Variants in CDH18 observed in about 807,000 individuals in gnomAD.
CDH18 encodes the protein cadherin 18.
Under a neutral mutation model 67.9 loss-of-function variants are expected in CDH18, and 31 were observed. The ratio of observed to expected loss-of-function variants is 0.46; its 90% CI spans 0.34 to 0.62. CDH18 has a LOEUF of 0.62. Ranked by LOEUF, CDH18 falls within the 20% of genes least tolerant of loss-of-function variation. The pLI, the probability that CDH18 is intolerant of heterozygous loss-of-function variation, is 0.01. For missense variants in CDH18, 890 were observed against 975.5 expected, an observed-to-expected ratio of 0.91 and a Z score of 1.17; for synonymous variants, 362 against 347.2, an observed-to-expected ratio of 1.04 and a Z score of -0.48.
intron 3 of CDH18, among the ~76,000 whole-genome samples, chr5:19,834,950 GA>G (rs1431187945): frequency 6.6e-6 from 1 of 152,090 alleles, no homozygotes; most frequent in Non-Finnish European, 1.5e-5. Context: ...AACCATTGTG[GA>G]AAACAGTGTG....
intron 1 of CDH18, among the ~76,000 whole-genome samples, chr5:20,340,104 C>T (rs1390647650): frequency 2.0e-5 from 3 of 152,178 alleles, no homozygotes; most frequent in African/African-American, 7.2e-5. Flanking sequence ...TTACTCCAAA[C>T]TATCTATGAT....
intron 1 of CDH18, among the ~76,000 whole-genome samples, chr5:20,405,137 T>G (rs1364258337): frequency 6.6e-6 from 1 of 152,178 alleles, no homozygotes; most frequent in South Asian, 2.1e-4. Flanking sequence ...AAGTCAATCC[T>G]AAGCCAAAAG....
intron 1 of CDH18, among the ~76,000 whole-genome samples, chr5:20,291,004 G>C (rs1475665234): frequency 6.6e-6 from 1 of 152,044 alleles, no homozygotes; most frequent in Non-Finnish European, 1.5e-5. Flanking sequence ...TATTGAAATG[G>C]ACAAGGGAAA....
chr5:19,536,052 T>A (rs7719020), intron 9 of CDH18, among the ~76,000 whole-genome samples: 76,864 of 151,874 alleles, frequency 0.51, 20,549 homozygotes, highest in African/African-American at 0.69. Flanking sequence ...TAGGAGCAAA[T>A]TATATTTATG....
chr5:19,557,266 G>T (rs571982804), intron 8 of CDH18, among the ~76,000 whole-genome samples: 4 of 152,090 alleles, frequency 2.6e-5, no homozygotes, highest in Non-Finnish European at 5.9e-5. Flanking sequence ...ATAGTATAAT[G>T]AATATAATAG....
rs141489428 is a variant in CDH18 at position 20,353,277 on chromosome 5, T to A, written c.-579-97772A>T. 6.9e-3 allele frequency among the ~76,000 whole-genome samples: 1,053 copies of A among 152,266 alleles called. 8 individuals carry two copies. The highest frequency in any genetic ancestry group is 9.4e-3 in the Non-Finnish European group (639 of 68,022). ...GCCCAAGTGTGTGTGTGTTCAATAT[T>A]CCAGTTTGCATACATGCGCTTGCCA... is the stretch of plus-strand genomic sequence containing the variant. On this transcript the variant is annotated intron_variant, in intron 1 of 14. Transcript: ENST00000507958.
chr5:19,546,292 A>G (rs532103805), intron 8 of CDH18, among the ~76,000 whole-genome samples: 61 of 152,346 alleles, frequency 4.0e-4, no homozygotes, highest in East Asian at 1.5e-3. Flanking sequence ...GATATCTTTT[A>G]ATGAATGAAC....
chr5:20,390,180 C>T (rs534848878), intron 1 of CDH18, among the ~76,000 whole-genome samples: 1 of 152,056 alleles, frequency 6.6e-6, no homozygotes, highest in East Asian at 1.9e-4. Context: ...GCAAAAGAAA[C>T]TACTATCAGA....
chr5:19,983,920 A>T (rs13354929), intron 1 of CDH18, among the ~76,000 whole-genome samples: 1 of 152,214 alleles, frequency 6.6e-6, no homozygotes, highest in African/African-American at 2.4e-5. Flanking sequence ...ATCAAAATGC[A>T]TAATACTAAA....
At chr5:20,574,303 G>A (rs1030479) in intron 1 of CDH18, among the ~76,000 whole-genome samples, 108,626 of 151,734 alleles carry the variant, frequency 0.72, 39,791 homozygotes, top group African/African-American at 0.85. Flanking sequence ...ATTCAGACAT[G>A]TGGGCTACTA....
intron 9 of CDH18, among the ~76,000 whole-genome samples, chr5:19,537,582 C>T (rs1036411956): frequency 1.3e-5 from 2 of 152,060 alleles, no homozygotes; most frequent in African/African-American, 2.4e-5. Context: ...CTTTACTCAT[C>T]CCTCACCTCA....
At chr5:20,211,205 A>G (rs1354300241) in intron 2 of CDH18, among the ~76,000 whole-genome samples, 3 of 152,102 alleles carry the variant, frequency 2.0e-5, no homozygotes, top group South Asian at 4.1e-4. Context: ...GTAATGGGAG[A>G]GGGGCGTCTG....
chr5:20,153,869 T>C (rs1751321833), intron 2 of CDH18, among the ~76,000 whole-genome samples: 1 of 152,202 alleles, frequency 6.6e-6, no homozygotes, highest in South Asian at 2.1e-4. Flanking sequence ...CCGAATACTT[T>C]GGGGGTTGGA....
At chr5:19,708,463 C>A (rs1011477832) in intron 5 of CDH18, among the ~76,000 whole-genome samples, 1 of 152,034 alleles carries the variant, frequency 6.6e-6, no homozygotes, top group Non-Finnish European at 1.5e-5. Context: ...AAGGGGGGGA[C>A]ATGTTGGGAA....
intron 2 of CDH18, among the ~76,000 whole-genome samples, chr5:20,144,963 G>A (rs764271524): frequency 1.3e-5 from 2 of 152,066 alleles, no homozygotes; most frequent in Non-Finnish European, 2.9e-5. Context: ...AAAACCTCCA[G>A]AAACCAGGGG....
In CDH18 at chr5:20,456,716, A is replaced by G. The variant is rs541280788; in HGVS notation, c.-580+118746T>C. 1.2e-3 allele frequency among the ~76,000 whole-genome samples: 177 copies of G among 152,286 alleles called. 1 individual carries two copies. Among genetic ancestry groups the G allele is most frequent in the Admixed American group, 2.0e-3 (30 of 15,288 alleles). ...TGGACTAATTTTAAACACATGCAAA[A>G]TGGCATAAATGCCATATTTTTTTTA... On this transcript the variant is annotated intron_variant, in intron 1 of 14. Transcript: ENST00000507958.
At chr5:19,696,026 C>G (rs1015350683) in intron 5 of CDH18, among the ~76,000 whole-genome samples, 1 of 151,944 alleles carries the variant, frequency 6.6e-6, no homozygotes, top group African/African-American at 2.4e-5. Flanking sequence ...AAAAAATTCT[C>G]CAGGTAATTT....
chr5:20,227,655 A>T (rs976329720), intron 2 of CDH18, among the ~76,000 whole-genome samples: 1 of 151,804 alleles, frequency 6.6e-6, no homozygotes, highest in Non-Finnish European at 1.5e-5. Context: ...TTTTTTATTT[A>T]AATTTTATTT....
intron 2 of CDH18, among the ~76,000 whole-genome samples, chr5:20,201,935 G>T (rs1238179177): frequency 1.3e-5 from 2 of 152,270 alleles, no homozygotes; most frequent in East Asian, 3.9e-4. Context: ...GCAATCCAGT[G>T]ACATGAGAAA....
Sources: gnomAD v4.1 joint callset for allele counts (sites outside exome capture counted in the v4.1 genomes callset) on GRCh38, gnomAD v4.1.1 for gene constraint, MANE v1.5 for transcripts, NCBI Gene and HGNC (gene_info 2026-07-23, HGNC 2026-07-21) for gene names.